The following MITF variants were observed in gnomAD, a reference collection of about 807,000 sequenced individuals.
MITF encodes microphthalmia-associated transcription factor.
In MITF, 17 loss-of-function variants were observed where a neutral mutation model predicts 60.5. The ratio of observed to expected loss-of-function variants is 0.28; its 90% confidence interval spans 0.19 to 0.42. MITF has a LOEUF of 0.42. MITF is among the 10% of genes least tolerant of loss of function. The pLI is 1.00. For missense variants in MITF, 622 were observed against 683.5 expected (o/e 0.91, Z 1.00); for synonymous variants, 260 against 248.5 (o/e 1.05, Z -0.43).
At chr3:69,909,496 G>A (rs1251875658) in intron 2 of MITF, among the ~76,000 whole-genome samples, 1 of 152,146 alleles carries the variant, frequency 6.6e-6, no homozygotes, top group Non-Finnish European at 1.5e-5. Context: ...CAGTTTGGAG[G>A]GCTAGGAAGG....
intron 1 of MITF, among the ~76,000 whole-genome samples, chr3:69,810,420 A>T (rs925293379): frequency 3.3e-5 from 5 of 152,086 alleles, no homozygotes; most frequent in South Asian, 2.1e-4. Context: ...GGGTTCTTGG[A>T]TTGCTGTCCA....
chr3:69,853,548 T>C (rs2107185583), intron 1 of MITF, among the ~76,000 whole-genome samples: 1 of 152,192 alleles, frequency 6.6e-6, no homozygotes, highest in South Asian at 2.1e-4. Context: ...CCACCATCCA[T>C]CTTAAAAAAT....
intron 1 of MITF, among the ~76,000 whole-genome samples, chr3:69,833,806 A>G (rs2063494391): frequency 6.6e-6 from 1 of 152,134 alleles, no homozygotes; most frequent in Admixed American, 6.5e-5. Context: ...TACACTGTAT[A>G]TGGTTGCTTC....
intron 1 of MITF, among the ~76,000 whole-genome samples, chr3:69,742,905 A>AT (rs1415471656): frequency 2.0e-5 from 3 of 151,626 alleles, no homozygotes; most frequent in Admixed American, 2.0e-4. Flanking sequence ...CCAGCTATAT[A>AT]TTTTTTTCCC....
In MITF at chr3:69,920,745, C is replaced by T. The variant is rs151246379; in HGVS notation, c.355-17077C>T. On this transcript the variant is annotated intron_variant, in intron 2 of 9. Coordinates refer to ENST00000352241, the MANE Select transcript of MITF (RefSeq NM_001354604.2). ...GCAGCCAGACATTCGGGGCCACTAC[C>T]GGTCTCCGCGCATTTGTGGTAGTGG... Among the ~76,000 whole-genome samples, 143 of 152,124 alleles carry T rather than the reference C, an allele frequency of 9.4e-4. 4 individuals are homozygous for T. The East Asian group carries it at 0.027, about 28-fold the overall frequency.
At chr3:69,784,313 G>A (rs923139855) in intron 1 of MITF, among the ~76,000 whole-genome samples, 5 of 152,112 alleles carry the variant, frequency 3.3e-5, no homozygotes, top group Non-Finnish European at 7.3e-5. Flanking sequence ...CTTTTCAGAA[G>A]CAACTTAATA....
intron 1 of MITF, among the ~76,000 whole-genome samples, chr3:69,849,312 A>G (rs1334704882): frequency 6.6e-6 from 1 of 152,124 alleles, no homozygotes; most frequent in African/African-American, 2.4e-5. Context: ...ATGAAGCAGG[A>G]TGGCCTGGAT....
Position 69,965,322 on chromosome 3 carries a change from G to C in MITF, c.*74G>C. Reference sequence around the variant, plus strand: ...CGTAGATTTAATAACTTACCTGAAGGGGTTTTCTTGATAATTTTCCTTTAA... The same window carrying C: ...CGTAGATTTAATAACTTACCTGAAGCGGTTTTCTTGATAATTTTCCTTTAA... On this transcript the variant is annotated 3_prime_UTR_variant, in exon 10 of 10. Coordinates refer to ENST00000352241, the MANE Select transcript of MITF (RefSeq NM_001354604.2). The C allele has an allele frequency of 1.3e-6, 2 of 1,513,780 alleles. No homozygotes were observed. Among genetic ancestry groups the C allele is most frequent in the Non-Finnish European group, 1.8e-6 (2 of 1,106,480 alleles). 93.8% of individuals were successfully genotyped at this position (1,513,780 alleles called of 1,614,324 possible).
intron 2 of MITF, among the ~76,000 whole-genome samples, chr3:69,927,028 T>C (rs1428873412): frequency 6.6e-6 from 1 of 152,206 alleles, no homozygotes; most frequent in Non-Finnish European, 1.5e-5. Context: ...ATCAGTGTCA[T>C]GTACATTATA....
In MITF at chr3:69,938,377, AGAG is replaced by A. The variant is rs1033104137; in HGVS notation, c.582+332_582+334del. ...TTTATGAAGCAGTGAGAATGCAGAG[AGAG>A]GAGAAGGGGAGGTGGAAAAGGAAAA... On this transcript the variant is annotated intron_variant, in intron 3 of 9. Coordinates refer to ENST00000352241, the MANE Select transcript of MITF (RefSeq NM_001354604.2). 5.1e-6 allele frequency: 8 copies of A among 1,567,420 alleles called. No homozygotes were observed. The African/African-American group carries it at 5.4e-5, about 11-fold the overall frequency.
At chr3:69,908,037 T>C (rs1205423179) in intron 2 of MITF, among the ~76,000 whole-genome samples, 1 of 152,204 alleles carries the variant, frequency 6.6e-6, no homozygotes, top group Non-Finnish European at 1.5e-5. Flanking sequence ...TTGTTGTTTG[T>C]TTTGTTTTAT....
chr3:69,862,978 A>C (rs967563592), intron 1 of MITF, among the ~76,000 whole-genome samples: 1 of 151,676 alleles, frequency 6.6e-6, no homozygotes, highest in Non-Finnish European at 1.5e-5. Context: ...ATCTCTCTCT[A>C]TCTCTCTTTC....
chr3:69,920,943 C>T (rs979437520), intron 2 of MITF, among the ~76,000 whole-genome samples: 3 of 152,242 alleles, frequency 2.0e-5, no homozygotes, highest in Admixed American at 6.5e-5. Context: ...CCTCGGCTCA[C>T]TGCAACCTCC....
rs2131025 is a variant in MITF, at chr3:69,966,496, T to C, written c.*1248T>C. 0.082 allele frequency: 19,015 copies of C among 232,764 alleles called. 976 individuals are homozygous for C. The highest frequency in any genetic ancestry group is 0.11 in the Non-Finnish European group (13,235 of 117,548). 14.4% of individuals were successfully genotyped at this position (232,764 alleles called of 1,614,324 possible). On this transcript the variant is annotated 3_prime_UTR_variant, in exon 10 of 10. Transcript: ENST00000352241. ...ATGAAAATAGCAATATTCTTGGAGA[T>C]TGATAACCATAGCATTAATACGCCC... is the stretch of plus-strand genomic sequence containing the variant.
chr3:69,850,770 T>C (rs2063811331), intron 1 of MITF, among the ~76,000 whole-genome samples: 2 of 152,188 alleles, frequency 1.3e-5, no homozygotes, highest in South Asian at 4.1e-4. Context: ...GCACCCAGAA[T>C]GCCAGCTAAT....
chr3:69,950,602 C>T (rs2066224223), intron 6 of MITF, among the ~76,000 whole-genome samples: 1 of 144,292 alleles, frequency 6.9e-6, no homozygotes. Context: ...ATATATAACA[C>T]CCATATAATA....
chr3:69,961,107 C>T (rs2066531374), intron 9 of MITF, among the ~76,000 whole-genome samples: 1 of 152,054 alleles, frequency 6.6e-6, no homozygotes. Flanking sequence ...GCTTGTGGGC[C>T]GGGCACGTGG....
At chr3:69,824,571 G>A (rs1046845084) in intron 1 of MITF, among the ~76,000 whole-genome samples, 8 of 152,160 alleles carry the variant, frequency 5.3e-5, no homozygotes, top group Non-Finnish European at 8.8e-5. Flanking sequence ...TAAATCTGGC[G>A]TGCATTCTCA....
In MITF at chr3:69,831,620, C is replaced by T. The variant is rs548480049; in HGVS notation, c.105-47514C>T. ...TTGTGGAGGGCATTTCAAGGAGCTG[C>T]CTTGTAAATTTCTGAATGCTTGGGT... On this transcript the variant is annotated intron_variant, in intron 1 of 9. Coordinates refer to ENST00000352241, the MANE Select transcript of MITF (RefSeq NM_001354604.2). Among the ~76,000 whole-genome samples, 343 of 152,242 alleles carry T rather than the reference C, an allele frequency of 2.3e-3. 2 individuals are homozygous for T. The highest frequency in any genetic ancestry group is 7.3e-3 in the South Asian group (35 of 4,824).
Sources: gnomAD v4.1 joint callset for allele counts (sites outside exome capture counted in the v4.1 genomes callset) on GRCh38, gnomAD v4.1.1 for gene constraint, MANE v1.5 for transcripts, NCBI Gene and HGNC (gene_info 2026-07-23, HGNC 2026-07-21) for gene names.